Variants in MGAT4C observed in about 807,000 individuals in gnomAD.
MGAT4C encodes the protein MGAT4 family member C.
MGAT4C carries 19 observed loss-of-function variants against 40.1 expected under a neutral mutation model. The ratio of observed to expected loss-of-function variants is 0.47; its 90% CI spans 0.33 to 0.70. The LOEUF (loss-of-function observed/expected upper bound fraction) is 0.70, where lower values mean the gene tolerates loss of function less well. Ranked by LOEUF, MGAT4C falls within the 30% of genes least tolerant of loss-of-function variation. The pLI, the probability that MGAT4C is intolerant of heterozygous loss-of-function variation, is 0.02. For synonymous variants in MGAT4C, 181 were observed against 187.1 expected, an observed-to-expected ratio of 0.97 and a Z score of 0.27; for missense variants, 491 against 563.2, an observed-to-expected ratio of 0.87 and a Z score of 1.30.
At chr12:86,605,975 G>A (rs1330460471) in intron 2 of MGAT4C, among the ~76,000 whole-genome samples, 1 of 152,098 alleles carries the variant, frequency 6.6e-6, no homozygotes, top group East Asian at 1.9e-4. Flanking sequence ...TTGCTGGAGA[G>A]GCCTTAGAAA....
At chr12:86,112,639 A>G (rs1877658388) in intron 1 of MGAT4C, among the ~76,000 whole-genome samples, 1 of 151,846 alleles carries the variant, frequency 6.6e-6, no homozygotes, top group Admixed American at 6.6e-5. Context: ...CCAACGAAGT[A>G]TTAACTGGGT....
chr12:86,436,202 T>A (rs78706445), intron 2 of MGAT4C, among the ~76,000 whole-genome samples: 1 of 150,784 alleles, frequency 6.6e-6, no homozygotes, highest in African/African-American at 2.4e-5. Context: ...TGGTATCTTA[T>A]TTTTCATCTG....
rs1883063648 is a variant in MGAT4C, at chr12:85,960,628, A to G, written c.*18661T>C. 1 of 151,992 alleles carries G rather than the reference A, an allele frequency of 6.6e-6. No homozygotes were observed. Among genetic ancestry groups the G allele is most frequent in the Non-Finnish European group, 1.5e-5 (1 of 67,910 alleles). 9.4% of individuals were successfully genotyped at this position (151,992 alleles called of 1,614,324 possible). On this transcript the variant is annotated 3_prime_UTR_variant, in exon 5 of 5. Transcript: ENST00000611864. ...ATTATTCACATATAGAATGGGTTGC[A>G]TTATCCTCTCCTTGGAAATATCTTT...
chr12:86,316,079 CAAAAAAAAAA>C (rs71076185), intron 4 of MGAT4C, among the ~76,000 whole-genome samples: 2 of 34,062 alleles, frequency 5.9e-5, no homozygotes, highest in African/African-American at 2.3e-4. Flanking sequence ...ATACAAGCAG[CAAAAAAAAAA>C]AAAAAAAAAA....
At chr12:86,753,084 A>G (rs1281356783) in intron 1 of MGAT4C, among the ~76,000 whole-genome samples, 3 of 152,140 alleles carry the variant, frequency 2.0e-5, no homozygotes, top group African/African-American at 7.2e-5. Context: ...CGTGACCTAT[A>G]AAAAACAATG....
intron 1 of MGAT4C, among the ~76,000 whole-genome samples, chr12:86,744,378 C>T (rs967246350): frequency 4.0e-5 from 6 of 151,510 alleles, no homozygotes; most frequent in East Asian, 2.0e-4. Context: ...GAAGAATAAA[C>T]GGGAAACCTA....
At chr12:86,771,088 G>T (rs1481094707) in intron 1 of MGAT4C, among the ~76,000 whole-genome samples, 2 of 152,064 alleles carry the variant, frequency 1.3e-5, no homozygotes, top group African/African-American at 2.4e-5. Context: ...CAGATCTATA[G>T]AGAGATGATA....
intron 3 of MGAT4C, among the ~76,000 whole-genome samples, chr12:86,406,707 T>C (rs2136241144): frequency 6.6e-6 from 1 of 152,130 alleles, no homozygotes; most frequent in South Asian, 2.1e-4. Context: ...GTTTGGCAGT[T>C]TCTTTAAAAA....
intron 2 of MGAT4C, among the ~76,000 whole-genome samples, chr12:86,610,417 A>G (rs1044226285): frequency 6.6e-6 from 1 of 152,218 alleles, no homozygotes; most frequent in African/African-American, 2.4e-5. Context: ...CCATGCAAAT[A>G]TAAAGCTAAA....
chr12:86,529,630 A>G (rs949836234), intron 2 of MGAT4C, among the ~76,000 whole-genome samples: 30 of 151,988 alleles, frequency 2.0e-4, no homozygotes, highest in African/African-American at 6.3e-4. Flanking sequence ...CAATCATTCC[A>G]CCAACTTGCC....
chr12:86,496,083 A>G (rs1194226390), intron 2 of MGAT4C, among the ~76,000 whole-genome samples: 1 of 151,822 alleles, frequency 6.6e-6, no homozygotes, highest in Non-Finnish European at 1.5e-5. Context: ...TGCCCTAGCA[A>G]TACTTACTGT....
intron 1 of MGAT4C, among the ~76,000 whole-genome samples, chr12:86,084,368 T>C (rs1207814893): frequency 6.6e-6 from 1 of 152,012 alleles, no homozygotes; most frequent in African/African-American, 2.4e-5. Context: ...ATATGTAATA[T>C]TTTATTGATA....
At chr12:86,434,348 C>T (rs942282718) in intron 3 of MGAT4C, among the ~76,000 whole-genome samples, 1 of 151,814 alleles carries the variant, frequency 6.6e-6, no homozygotes, top group African/African-American at 2.4e-5. Context: ...GATTACATTG[C>T]TTTAATATGT....
intron 2 of MGAT4C, among the ~76,000 whole-genome samples, chr12:86,456,220 G>GT (rs1375717366): frequency 6.6e-6 from 1 of 152,136 alleles, no homozygotes; most frequent in Middle Eastern, 3.4e-3. Context: ...AATATCTATT[G>GT]TTTTTAACAT....
At chr12:86,802,471 T>G (rs1388978166) in intron 1 of MGAT4C, among the ~76,000 whole-genome samples, 2 of 152,020 alleles carry the variant, frequency 1.3e-5, no homozygotes, top group Admixed American at 6.6e-5. Flanking sequence ...CACTAATTAT[T>G]TCAAGCATTC....
At chr12:86,114,191 G>A (rs75707338) in intron 1 of MGAT4C, among the ~76,000 whole-genome samples, 5 of 151,720 alleles carry the variant, frequency 3.3e-5, no homozygotes, top group South Asian at 2.1e-4. Context: ...CTGGTGTGTC[G>A]TCCCTTCTCT....
intron 1 of MGAT4C, among the ~76,000 whole-genome samples, chr12:86,825,449 A>T (rs1044197571): frequency 6.6e-6 from 1 of 151,366 alleles, no homozygotes; most frequent in Admixed American, 6.6e-5. Flanking sequence ...AGTTTACTGT[A>T]TCAATAAGAA....
intron 2 of MGAT4C, among the ~76,000 whole-genome samples, chr12:86,451,375 C>T (rs962819885): frequency 4.6e-5 from 7 of 152,176 alleles, no homozygotes; most frequent in African/African-American, 1.7e-4. Flanking sequence ...CATGTGCCAA[C>T]TAAACATCTT....
At chr12:86,121,099 G>A (rs1156538401) in intron 1 of MGAT4C, among the ~76,000 whole-genome samples, 1 of 152,194 alleles carries the variant, frequency 6.6e-6, no homozygotes, top group Non-Finnish European at 1.5e-5. Flanking sequence ...CGTGACGCAT[G>A]CACAAGCTTC....
Sources: gnomAD v4.1 joint callset for allele counts (sites outside exome capture counted in the v4.1 genomes callset) on GRCh38, gnomAD v4.1.1 for gene constraint, MANE v1.5 for transcripts, NCBI Gene and HGNC (gene_info 2026-07-23, HGNC 2026-07-21) for gene names.